SPG11: variants seen among roughly 807,000 people sequenced by gnomAD.
SPG11 encodes the protein spatacsin.
In SPG11, 222 loss-of-function variants were observed where a neutral mutation model predicts 274.0. The ratio of observed to expected loss-of-function variants is 0.81; its 90% CI spans 0.73 to 0.91. SPG11 has a LOEUF of 0.91. Ranked by LOEUF, SPG11 falls within the 40% of genes least tolerant of loss-of-function variation. The probability of loss-of-function intolerance (pLI) is 0.00; values close to 1 mark genes in which losing one functional copy is unlikely to be tolerated. For missense variants in SPG11, 3,114 were observed against 2,872.7 expected (o/e 1.08, Z -1.92); for synonymous variants, 1,144 against 1,039.7 (o/e 1.10, Z -1.93).
chr15:44,622,049 A>T (rs2083768020), intron 13 of SPG11, 115 bp from the exon 14 acceptor site: 18 of 1,156,194 alleles, frequency 1.6e-5, no homozygotes, highest in Non-Finnish European at 2.2e-5. Flanking sequence ...CTGATTATGC[A>T]AATATTAAAA....
At chr15:44,576,433 G>A (rs2082539810) in intron 30 of SPG11, among the ~76,000 whole-genome samples, 1 of 151,934 alleles carries the variant, frequency 6.6e-6, no homozygotes, top group Non-Finnish European at 1.5e-5. Context: ...CGGATCACAA[G>A]GTCAGGAGAT....
At chr15:44,573,098 T>G (rs946067799) in intron 32 of SPG11, among the ~76,000 whole-genome samples, 3 of 149,420 alleles carry the variant, frequency 2.0e-5, no homozygotes, top group African/African-American at 7.4e-5. Flanking sequence ...ACGATTCTCC[T>G]GCCTCAGCCT....
intron 28 of SPG11, among the ~76,000 whole-genome samples, chr15:44,587,916 A>T (rs1365078012): frequency 6.6e-6 from 1 of 152,178 alleles, no homozygotes; most frequent in East Asian, 1.9e-4. Context: ...CTACAGATCA[A>T]TGAAAACACC....
chr15:44,601,068 C>G (rs1393809875), intron 20 of SPG11, among the ~76,000 whole-genome samples: 1 of 152,090 alleles, frequency 6.6e-6, no homozygotes, highest in Non-Finnish European at 1.5e-5. Context: ...AGGAGAATCA[C>G]TTGAACCTGG....
At chr15:44,634,916 CA>C (rs2084192965) in intron 7 of SPG11, among the ~76,000 whole-genome samples, 1 of 151,960 alleles carries the variant, frequency 6.6e-6, no homozygotes, top group African/African-American at 2.4e-5. Context: ...ATAAAATAAA[CA>C]TTTTTTTTTT....
intron 20 of SPG11, chr15:44,604,199 T>TAA (rs748979322): frequency 1.2e-3 from 433 of 356,894 alleles, no homozygotes; most frequent in African/African-American, 1.6e-3. Flanking sequence ...ACCTGATTCC[T>TAA]AAAAAAAAAA....
chr15:44,621,255 C>T (rs1212560499), intron 14 of SPG11: 1 of 155,902 alleles, frequency 6.4e-6, no homozygotes, highest in African/African-American at 2.4e-5. Context: ...CCTGTTCAAC[C>T]CTTTTTTTCC....
intron 37 of SPG11, 32 bp from the exon 38 acceptor site, chr15:44,566,041 GA>G (rs752199222): frequency 3.1e-6 from 5 of 1,612,660 alleles, no homozygotes; most frequent in Non-Finnish European, 3.4e-6. Flanking sequence ...GCACAGTAGA[GA>G]AAGACCTAGT....
chr15:44,653,624 T>G (rs2084850233), intron 4 of SPG11, among the ~76,000 whole-genome samples: 1 of 151,950 alleles, frequency 6.6e-6, no homozygotes, highest in South Asian at 2.1e-4. Flanking sequence ...TGGCATAGAG[T>G]GACGACAGAA....
At chr15:44,573,173 A>G (rs2082459610) in intron 32 of SPG11, among the ~76,000 whole-genome samples, 1 of 151,354 alleles carries the variant, frequency 6.6e-6, no homozygotes, top group Non-Finnish European at 1.5e-5. Flanking sequence ...TTTTTAGTAG[A>G]GGCGGGTTTC....
intron 4 of SPG11, among the ~76,000 whole-genome samples, chr15:44,656,425 T>C (rs905957739): frequency 2.0e-5 from 3 of 152,184 alleles, no homozygotes; most frequent in Non-Finnish European, 4.4e-5. Context: ...AGAAAGTAAC[T>C]GTATGATGGA....
At chr15:44,635,917 TA>T (rs560952946) in intron 7 of SPG11, among the ~76,000 whole-genome samples, 360 of 130,528 alleles carry the variant, frequency 2.8e-3, no homozygotes, top group Middle Eastern at 4.0e-3. Context: ...ACTCCACCTA[TA>T]AAAAAAAAAA....
chr15:44,611,434 G>C (rs1451448063), intron 17 of SPG11, among the ~76,000 whole-genome samples: 2 of 152,110 alleles, frequency 1.3e-5, no homozygotes, highest in African/African-American at 4.8e-5. Context: ...AAATTAATTA[G>C]ATGCCATATA....
At chr15:44,569,329 T>C (rs1405177151) in intron 35 of SPG11, 69 bp downstream of exon 35, 1 of 1,151,736 alleles carries the variant, frequency 8.7e-7, no homozygotes. Context: ...AGATTATTCC[T>C]GAGAAAAGCT....
At chr15:44,633,483 T>C (rs750040986) in intron 8 of SPG11, 22 bp downstream of exon 8, 4 of 1,556,872 alleles carry the variant, frequency 2.6e-6, no homozygotes, top group East Asian at 2.2e-5. Context: ...AATACAAATG[T>C]AGAAATCTTT....
intron 15 of SPG11, among the ~76,000 whole-genome samples, chr15:44,615,785 C>T (rs2083579375): frequency 6.6e-6 from 1 of 152,140 alleles, no homozygotes; most frequent in Non-Finnish European, 1.5e-5. Flanking sequence ...CAGACTCAAG[C>T]TATCTTTATT....
At chr15:44,629,120 A>C in intron 9 of SPG11, 113 bp downstream of exon 9, 1 of 1,266,372 alleles carries the variant, frequency 7.9e-7, no homozygotes, top group Non-Finnish European at 1.2e-6. Context: ...GACCTTACCC[A>C]AATGTAGTAA....
At chr15:44,618,760 T>G (rs1231332099) in intron 15 of SPG11, among the ~76,000 whole-genome samples, 1 of 151,012 alleles carries the variant, frequency 6.6e-6, no homozygotes, top group Non-Finnish European at 1.5e-5. Flanking sequence ...GCAGAGCTTG[T>G]AGTGAGCCAA....
In SPG11 at chr15:44,657,313, A is replaced by G. The variant is rs1213431365; in HGVS notation, c.668-17T>C. ...CAAAAATGTCTTTTAGTTAGAGTTA[A>G]AAGAAAATGCCAGTTTTGTAAGTAT... On this transcript the variant is annotated splice_polypyrimidine_tract_variant and intron_variant, in intron 3 of 39. Coordinates refer to ENST00000261866, the MANE Select transcript of SPG11 (RefSeq NM_025137.4). The G allele has an allele frequency of 6.2e-7, 1 of 1,612,670 alleles. No homozygotes were observed. The highest frequency in any genetic ancestry group is 8.5e-7 in the Non-Finnish European group (1 of 1,178,910).
Sources: allele counts gnomAD v4.1 joint callset (sites outside exome capture counted in the v4.1 genomes callset), GRCh38; gene constraint gnomAD v4.1.1; transcripts MANE v1.5; gene names NCBI Gene and HGNC (gene_info 2026-07-23, HGNC 2026-07-21).